The following DIAPH2 variants were observed in gnomAD, a reference collection of about 807,000 sequenced individuals.
DIAPH2 encodes protein diaphanous homolog 2.
DIAPH2 carries 35 observed loss-of-function variants against 92.7 expected under a neutral mutation model. The observed-to-expected ratio is 0.38, with a 90% CI of 0.29 to 0.50. The LOEUF is 0.50. Ranked by LOEUF, DIAPH2 falls within the 20% of genes least tolerant of loss-of-function variation. The probability of loss-of-function intolerance (pLI) is 0.94; values close to 1 mark genes in which losing one functional copy is unlikely to be tolerated. For missense variants in DIAPH2, 701 were observed against 819.5 expected (o/e 0.86, Z 1.77); for synonymous variants, 301 against 280.4 (o/e 1.07, Z -0.73).
intron 18 of DIAPH2, among the ~76,000 whole-genome samples, chrX:97,073,707 C>A (rs1243809367): frequency 1.8e-5 from 2 of 112,147 alleles, no homozygotes; most frequent in Non-Finnish European, 3.8e-5. Flanking sequence ...TCAGAGATTT[C>A]CACACATCAA....
chrX:97,280,366 T>C (rs1309865811), intron 23 of DIAPH2, among the ~76,000 whole-genome samples: 1 of 109,926 alleles, frequency 9.1e-6, no homozygotes, highest in Non-Finnish European at 1.9e-5. Context: ...TGGTCCCAAC[T>C]ACTCGGGAAG....
rs148821143 is a variant in DIAPH2, at chrX:96,796,813, A to G, written c.447+38555A>G. 3.5e-4 allele frequency among the ~76,000 whole-genome samples: 39 copies of G among 111,660 alleles called. 1 individual carries two copies. Among genetic ancestry groups the G allele is most frequent in the African/African-American group, 1.3e-3 (39 of 30,790 alleles). On this transcript the variant is annotated intron_variant, in intron 4 of 26. Transcript: ENST00000324765. ...CATCATATTAATTTTTTCTTTAAAT[A>G]ATTTGTTTTGGGGAAAAATAGACTG...
rs2063764031 is a variant in DIAPH2, at chrX:96,685,166, G to A, written c.108G>A (p.Glu36=). 2.0e-6 allele frequency: 2 copies of A among 1,010,475 alleles called. No individual in the cohort carries two copies. Among genetic ancestry groups the A allele is most frequent in the Non-Finnish European group, 2.5e-6 (2 of 788,877 alleles). The allele number at this position is 1,010,475 out of a possible 1,213,427, so 83.3% of individuals were successfully genotyped here. The change falls in exon 1 of 27, where the codon GAG becomes GAA. Residue 36 remains glutamate (E), a synonymous_variant. Coordinates refer to ENST00000324765, the MANE Select transcript of DIAPH2 (RefSeq NM_006729.5). ...RSAGNRAANE[E]ETKNKPKLNI... ...CGGGGAACCGGGCCGCCAATGAAGA[G>A]GAAACGAAAAACAAACCCAAATTGG...
chrX:96,749,083 G>A (rs2064168118), intron 3 of DIAPH2, among the ~76,000 whole-genome samples: 1 of 97,009 alleles, frequency 1.0e-5, no homozygotes, highest in African/African-American at 3.9e-5. Context: ...GCCAACCTCT[G>A]GACTAGTCCA....
chrX:96,819,462 T>C (rs1460854994), intron 4 of DIAPH2, among the ~76,000 whole-genome samples: 2 of 112,338 alleles, frequency 1.8e-5, no homozygotes, highest in Admixed American at 9.4e-5. Context: ...TGAACATTAG[T>C]GAATTACAGT....
chrX:97,515,798 T>C (rs1177149890), intron 26 of DIAPH2, among the ~76,000 whole-genome samples: 1 of 110,014 alleles, frequency 9.1e-6, no homozygotes, highest in African/African-American at 3.3e-5. Context: ...AAGGTGAGAG[T>C]GACCTTGCTT....
chrX:97,167,148 A>G (rs2067418415), intron 22 of DIAPH2, among the ~76,000 whole-genome samples: 1 of 111,769 alleles, frequency 8.9e-6, no homozygotes, highest in South Asian at 3.7e-4. Flanking sequence ...TTTTGTTAAT[A>G]TAAACAAAGC....
At chrX:97,194,497 G>A (rs1198091072) in intron 22 of DIAPH2, among the ~76,000 whole-genome samples, 2 of 109,611 alleles carry the variant, frequency 1.8e-5, no homozygotes, top group Non-Finnish European at 3.8e-5. Context: ...TGTTAGCCAG[G>A]ATGGTCTCGA....
chrX:97,215,971 T>C, intron 22 of DIAPH2, among the ~76,000 whole-genome samples: 1 of 112,181 alleles, frequency 8.9e-6, no homozygotes, highest in Middle Eastern at 4.6e-3. Flanking sequence ...CCTTTATTCG[T>C]GTGTCCGTTA....
intron 17 of DIAPH2, among the ~76,000 whole-genome samples, chrX:97,071,364 T>C (rs1235519036): frequency 9.0e-6 from 1 of 111,700 alleles, no homozygotes; most frequent in Non-Finnish European, 1.9e-5. Flanking sequence ...AATATCAACA[T>C]AAAATATATT....
intron 2 of DIAPH2, among the ~76,000 whole-genome samples, chrX:96,737,873 G>A (rs969899768): frequency 9.0e-6 from 1 of 111,315 alleles, no homozygotes; most frequent in African/African-American, 3.3e-5. Context: ...AAAATGCTGG[G>A]GGAAAATAAT....
At chrX:96,719,811 T>A (rs190028582) in intron 1 of DIAPH2, among the ~76,000 whole-genome samples, 2 of 112,383 alleles carry the variant, frequency 1.8e-5, no homozygotes, top group East Asian at 2.8e-4. Flanking sequence ...TTAAAAAAAA[T>A]TTCTGTGAAG....
At chrX:97,092,899 T>A (rs1160211048) in intron 19 of DIAPH2, among the ~76,000 whole-genome samples, 5 of 111,251 alleles carry the variant, frequency 4.5e-5, no homozygotes, top group Non-Finnish European at 7.5e-5. Flanking sequence ...AAAAATCTAT[T>A]CTAGGCCAGG....
rs181470802 is a variant in DIAPH2 at position 96,810,928 on chromosome X, A to G, written c.447+52670A>G. Among the ~76,000 whole-genome samples the G allele has an allele frequency of 2.1e-4, 23 of 111,629 alleles. No individual in the cohort carries two copies. In the East Asian group the frequency reaches 4.8e-3, roughly 23 times the overall value. On this transcript the variant is annotated intron_variant, in intron 4 of 26. Transcript: ENST00000324765. Reference sequence around the variant, plus strand: ...GCTGTTTTGGTTACTGTAGCCTTGTAGTATAGTTTGAAGTCAGGTAGTGTG... The same window carrying G: ...GCTGTTTTGGTTACTGTAGCCTTGTGGTATAGTTTGAAGTCAGGTAGTGTG...
At chrX:97,191,921 A>G (rs1464885044) in intron 22 of DIAPH2, among the ~76,000 whole-genome samples, 1 of 111,173 alleles carries the variant, frequency 9.0e-6, no homozygotes, top group East Asian at 2.8e-4. Flanking sequence ...TAGCATGTTC[A>G]TGAACCTAAT....
chrX:97,166,661 A>G (rs1364476237), intron 22 of DIAPH2, among the ~76,000 whole-genome samples: 3 of 94,972 alleles, frequency 3.2e-5, no homozygotes, highest in Non-Finnish European at 6.8e-5. Context: ...TTTCATGATT[A>G]CAGAAGAACA....
At chrX:96,721,609 C>T (rs1206606629) in intron 1 of DIAPH2, among the ~76,000 whole-genome samples, 1 of 112,104 alleles carries the variant, frequency 8.9e-6, no homozygotes, top group Non-Finnish European at 1.9e-5. Flanking sequence ...AATGATCTAA[C>T]ATGTCAGGTC....
chrX:97,254,580 C>T (rs2068219977), intron 23 of DIAPH2, among the ~76,000 whole-genome samples: 1 of 108,319 alleles, frequency 9.2e-6, no homozygotes, highest in South Asian at 4.1e-4. Flanking sequence ...TAGTTAATGT[C>T]ATATGCCAGC....
intron 4 of DIAPH2, among the ~76,000 whole-genome samples, chrX:96,807,982 A>AAAAAAAAAAC (rs2064642934): frequency 1.5e-5 from 1 of 66,903 alleles, no homozygotes; most frequent in Non-Finnish European, 2.8e-5. Context: ...AAAAAAAAAA[A>AAAAAAAAAAC]AGTCTCCTTG....
Sources: gnomAD v4.1 joint callset for allele counts (sites outside exome capture counted in the v4.1 genomes callset) on GRCh38, gnomAD v4.1.1 for gene constraint, MANE v1.5 for transcripts, NCBI Gene and HGNC (gene_info 2026-07-23, HGNC 2026-07-21) for gene names.